Variants in ZNF438 observed in about 807,000 individuals in gnomAD.
ZNF438 encodes the protein zinc finger protein 438.
ZNF438 carries 25 observed loss-of-function variants against 38.0 expected under a neutral mutation model. The observed-to-expected ratio is 0.66, with a 90% CI of 0.48 to 0.92. The LOEUF (loss-of-function observed/expected upper bound fraction) is 0.92. Ranked by LOEUF, ZNF438 falls within the 40% of genes least tolerant of loss-of-function variation. The probability of loss-of-function intolerance (pLI) is 0.00; values close to 1 mark genes in which losing one functional copy is unlikely to be tolerated. For missense variants in ZNF438, 1,007 were observed against 999.6 expected, an observed-to-expected ratio of 1.01 and a Z score of -0.10; for synonymous variants, 372 against 364.1, an observed-to-expected ratio of 1.02 and a Z score of -0.25.
chr10:30,962,570 G>A (rs532721594), intron 1 of ZNF438, among the ~76,000 whole-genome samples: 22 of 147,580 alleles, frequency 1.5e-4, no homozygotes, highest in African/African-American at 4.8e-4. Flanking sequence ...TATACACTAC[G>A]TAATATACAT....
At chr10:30,983,488 T>G (rs2052448704) in intron 1 of ZNF438, among the ~76,000 whole-genome samples, 1 of 152,090 alleles carries the variant, frequency 6.6e-6, no homozygotes, top group African/African-American at 2.4e-5. Flanking sequence ...TCACTCACTA[T>G]CACAAGAACA....
chr10:30,979,375 C>T (rs186140840), intron 1 of ZNF438, among the ~76,000 whole-genome samples: 1 of 152,202 alleles, frequency 6.6e-6, no homozygotes, highest in Non-Finnish European at 1.5e-5. Context: ...CCCCATCAAG[C>T]TACCACTGCC....
chr10:31,022,431 T>C (rs2056663232), intron 1 of ZNF438, among the ~76,000 whole-genome samples: 1 of 152,042 alleles, frequency 6.6e-6, no homozygotes, highest in Non-Finnish European at 1.5e-5. Context: ...CTGGCCAATT[T>C]TGTATTTTTA....
At chr10:30,896,999 G>C (rs1181633654) in intron 3 of ZNF438, among the ~76,000 whole-genome samples, 3 of 152,090 alleles carry the variant, frequency 2.0e-5, no homozygotes, top group Non-Finnish European at 2.9e-5. Context: ...CTTAAGCCAG[G>C]CATGTGCTCA....
intron 2 of ZNF438, among the ~76,000 whole-genome samples, chr10:30,927,141 C>T (rs1192078590): frequency 6.6e-6 from 1 of 152,152 alleles, no homozygotes; most frequent in Non-Finnish European, 1.5e-5. Context: ...GGCTGCCTTG[C>T]CAGCCTGATC....
At chr10:30,921,387 C>G (rs1486510638) in intron 2 of ZNF438, among the ~76,000 whole-genome samples, 2 of 152,204 alleles carry the variant, frequency 1.3e-5, no homozygotes, top group Admixed American at 6.5e-5. Context: ...ACTATTTGGA[C>G]AGATATAAAA....
At chr10:30,947,489 C>T (rs1345302797) in intron 1 of ZNF438, among the ~76,000 whole-genome samples, 1 of 152,252 alleles carries the variant, frequency 6.6e-6, no homozygotes, top group Non-Finnish European at 1.5e-5. Flanking sequence ...TTTGTCTGTG[C>T]CCTGCCCCCA....
rs758159912 is a variant in ZNF438, at chr10:30,960,881, C to T, written c.-191-19230G>A. On this transcript the variant is annotated intron_variant, in intron 1 of 5. Coordinates refer to ENST00000413025, the Ensembl canonical transcript of ZNF438. ...ATCCTTTTAAGATTTCAACCATTAA[C>T]GTATTCCCCTAGGATTGACTGTAAA... 2.0e-5 allele frequency among the ~76,000 whole-genome samples: 3 copies of T among 146,500 alleles called. 1 individual carries two copies. Among genetic ancestry groups the T allele is most frequent in the Non-Finnish European group, 3.1e-5 (2 of 64,656 alleles).
chr10:30,934,206 T>A (rs540030808), intron 2 of ZNF438, among the ~76,000 whole-genome samples: 1 of 151,820 alleles, frequency 6.6e-6, no homozygotes, highest in Admixed American at 6.6e-5. Context: ...GAACCCTCTT[T>A]GGGATGTACC....
chr10:30,846,799 G>A (rs1191229718), intron 5 of ZNF438, among the ~76,000 whole-genome samples: 1 of 152,142 alleles, frequency 6.6e-6, no homozygotes, highest in East Asian at 1.9e-4. Flanking sequence ...GTCCAGGAAG[G>A]CCCCTTTCCC....
intron 1 of ZNF438, among the ~76,000 whole-genome samples, chr10:30,947,055 G>A (rs972391743): frequency 3.3e-5 from 5 of 152,032 alleles, no homozygotes; most frequent in African/African-American, 1.2e-4. Flanking sequence ...TCTAACTACT[G>A]TAGGACTGTT....
At chr10:31,012,219 G>A (rs529075678) in intron 1 of ZNF438, among the ~76,000 whole-genome samples, 18 of 151,614 alleles carry the variant, frequency 1.2e-4, no homozygotes, top group Non-Finnish European at 2.1e-4. Flanking sequence ...CACCTCCTGG[G>A]TTCACGCCAT....
intron 1 of ZNF438, among the ~76,000 whole-genome samples, chr10:31,030,387 G>C (rs931691952): frequency 1.3e-5 from 2 of 152,192 alleles, no homozygotes; most frequent in East Asian, 3.8e-4. Flanking sequence ...CTTCTTTGCT[G>C]CTCTATTTCC....
chr10:30,869,655 T>C (rs1250526713), intron 4 of ZNF438, among the ~76,000 whole-genome samples: 1 of 152,174 alleles, frequency 6.6e-6, no homozygotes, highest in Non-Finnish European at 1.5e-5. Flanking sequence ...GTAGAAGTTA[T>C]TACATCAGAA....
At chr10:30,876,229 C>G (rs1042354973) in intron 4 of ZNF438, among the ~76,000 whole-genome samples, 3 of 152,166 alleles carry the variant, frequency 2.0e-5, no homozygotes, top group Admixed American at 2.0e-4. Flanking sequence ...TCACTAAAAG[C>G]TACATGTTCC....
intron 3 of ZNF438, among the ~76,000 whole-genome samples, chr10:30,894,758 A>G (rs1168572578): frequency 6.6e-6 from 1 of 152,236 alleles, no homozygotes; most frequent in East Asian, 1.9e-4. Context: ...GTTTCTTTAA[A>G]TATCTCAGAA....
chr10:31,013,083 G>A (rs1424139279), intron 1 of ZNF438, among the ~76,000 whole-genome samples: 1 of 152,182 alleles, frequency 6.6e-6, no homozygotes, highest in Non-Finnish European at 1.5e-5. Context: ...ACTTTGGGAG[G>A]CCGAGGCGGG....
chr10:30,882,859 A>G (rs2039449636), intron 3 of ZNF438, among the ~76,000 whole-genome samples: 1 of 152,200 alleles, frequency 6.6e-6, no homozygotes, highest in African/African-American at 2.4e-5. Context: ...CTGTATGCCA[A>G]TCGTATCCTA....
intron 2 of ZNF438, among the ~76,000 whole-genome samples, chr10:30,937,653 G>C (rs1312027810): frequency 1.3e-5 from 2 of 152,144 alleles, no homozygotes; most frequent in Admixed American, 6.5e-5. Flanking sequence ...GGGTGAAACT[G>C]TATAATCAGT....
Sources: gnomAD v4.1 joint callset for allele counts (sites outside exome capture counted in the v4.1 genomes callset) on GRCh38, gnomAD v4.1.1 for gene constraint, MANE v1.5 for transcripts, NCBI Gene and HGNC (gene_info 2026-07-23, HGNC 2026-07-21) for gene names.